TMTC2: variants seen among roughly 807,000 people sequenced by gnomAD.
The protein encoded by TMTC2 is transmembrane O-mannosyltransferase targeting cadherins 2, also known as protein O-mannosyl-transferase TMTC2.
In TMTC2, 43 loss-of-function variants were observed where a neutral mutation model predicts 82.4. That is an observed-to-expected ratio of 0.52 (90% CI 0.41 to 0.67). The LOEUF is 0.67. Among genes scored for constraint, TMTC2 ranks in the 30% least tolerant of loss-of-function variants. The pLI is 0.00. For synonymous variants in TMTC2, 408 were observed against 381.9 expected, an observed-to-expected ratio of 1.07 and a Z score of -0.80; for missense variants, 919 against 1,012.4, an observed-to-expected ratio of 0.91 and a Z score of 1.25.
At chr12:82,984,414 AATT>A (rs1879067048) in intron 7 of TMTC2, among the ~76,000 whole-genome samples, 2 of 152,172 alleles carry the variant, frequency 1.3e-5, no homozygotes, top group South Asian at 4.1e-4. Flanking sequence ...GACTCAAACC[AATT>A]CACTTCATCA....
At chr12:82,849,534 A>G (rs1870862037) in intron 1 of TMTC2, among the ~76,000 whole-genome samples, 1 of 152,154 alleles carries the variant, frequency 6.6e-6, no homozygotes, top group African/African-American at 2.4e-5. Flanking sequence ...AGAAGCTGTC[A>G]TGTACAACCT....
chr12:82,823,437 A>AG (rs1869230569), intron 1 of TMTC2, among the ~76,000 whole-genome samples: 3 of 152,182 alleles, frequency 2.0e-5, no homozygotes, highest in Non-Finnish European at 2.9e-5. Flanking sequence ...TTCACCTGCC[A>AG]GGTATTACTT....
chr12:83,128,181 G>A (rs914679671), intron 11 of TMTC2, among the ~76,000 whole-genome samples: 1 of 152,072 alleles, frequency 6.6e-6, no homozygotes, highest in Non-Finnish European at 1.5e-5. Flanking sequence ...CTGAGCAGTT[G>A]TCATTGAGTT....
At chr12:82,966,375 T>C (rs1252407258) in intron 6 of TMTC2, among the ~76,000 whole-genome samples, 1 of 152,068 alleles carries the variant, frequency 6.6e-6, no homozygotes, top group Non-Finnish European at 1.5e-5. Flanking sequence ...ATTGCCCCTC[T>C]CTCCCCTTCA....
At chr12:82,809,047 G>C (rs116698224) in intron 1 of TMTC2, among the ~76,000 whole-genome samples, 2,391 of 149,158 alleles carry the variant, frequency 0.016, 59 homozygotes, top group African/African-American at 0.054. Flanking sequence ...TTTTTATTCT[G>C]AGTGAATGAA....
intron 11 of TMTC2, among the ~76,000 whole-genome samples, chr12:83,083,366 C>G (rs1049857795): frequency 1.3e-5 from 2 of 152,138 alleles, no homozygotes; most frequent in South Asian, 2.1e-4. Flanking sequence ...GTGGCTTGCT[C>G]GGGCAGTAAC....
At chr12:82,700,586 A>G (rs1189747720) in intron 1 of TMTC2, among the ~76,000 whole-genome samples, 1 of 152,170 alleles carries the variant, frequency 6.6e-6, no homozygotes, top group East Asian at 1.9e-4. Context: ...AGATTTTACC[A>G]TTATACACAC....
At position 82,876,356 on chromosome 12, in the gene TMTC2, G is replaced by A. The variant is rs1872580165; in HGVS notation, c.654+18776G>A. 2.0e-5 allele frequency among the ~76,000 whole-genome samples: 3 copies of A among 152,142 alleles called. No individual in the cohort carries two copies. The South Asian group carries it at 6.2e-4, about 32-fold the overall frequency. ...TCTGTGTTTTGTTTTAAGTCTTGGT[G>A]AGGAGTGCATTGGTGGTTGTGACAT... is the stretch of plus-strand genomic sequence containing the variant. On this transcript the variant is annotated intron_variant, in intron 2 of 11. Transcript: ENST00000321196.
At chr12:82,714,904 G>A (rs78869284) in intron 1 of TMTC2, among the ~76,000 whole-genome samples, 15,605 of 152,102 alleles carry the variant, frequency 0.1, 930 homozygotes, top group East Asian at 0.24. Context: ...TTACATAGGA[G>A]CCAAGAGAAA....
intron 9 of TMTC2, among the ~76,000 whole-genome samples, chr12:83,033,868 GTA>G (rs10536038): frequency 0.11 from 15,643 of 147,688 alleles, 1,330 homozygotes; most frequent in East Asian, 0.29. Context: ...ATGTGTATGT[GTA>G]TATATATATA....
intron 9 of TMTC2, among the ~76,000 whole-genome samples, chr12:83,037,929 C>T (rs1421717415): frequency 6.6e-6 from 1 of 151,880 alleles, no homozygotes; most frequent in African/African-American, 2.4e-5. Flanking sequence ...AGATGAGAAA[C>T]TATACAACTA....
At chr12:82,724,496 C>T (rs191084790) in intron 1 of TMTC2, among the ~76,000 whole-genome samples, 1 of 152,228 alleles carries the variant, frequency 6.6e-6, no homozygotes, top group East Asian at 1.9e-4. Context: ...GTGGCAGTTC[C>T]CCTGCGCTCT....
chr12:82,862,261 A>G (rs992575501), intron 2 of TMTC2, among the ~76,000 whole-genome samples: 1 of 152,246 alleles, frequency 6.6e-6, no homozygotes, highest in Non-Finnish European at 1.5e-5. Context: ...TACATGGGTA[A>G]TAAAATCAGT....
At chr12:83,001,892 T>G (rs148384142) in intron 8 of TMTC2, among the ~76,000 whole-genome samples, 1 of 152,252 alleles carries the variant, frequency 6.6e-6, no homozygotes, top group African/African-American at 2.4e-5. Context: ...GTAGCTAGAT[T>G]AACAAAGAAA....
intron 1 of TMTC2, among the ~76,000 whole-genome samples, chr12:82,749,253 AC>A (rs1224109236): frequency 1.3e-5 from 2 of 152,174 alleles, no homozygotes; most frequent in Non-Finnish European, 2.9e-5. Context: ...GACACACGTT[AC>A]CCAGAATCAC....
At chr12:82,748,157 A>G (rs1875788527) in intron 1 of TMTC2, among the ~76,000 whole-genome samples, 1 of 152,068 alleles carries the variant, frequency 6.6e-6, no homozygotes, top group Non-Finnish European at 1.5e-5. Context: ...AAAAACACAA[A>G]AAAATTAGCC....
intron 2 of TMTC2, among the ~76,000 whole-genome samples, chr12:82,867,938 T>C (rs1236304040): frequency 6.6e-6 from 1 of 152,202 alleles, no homozygotes; most frequent in Non-Finnish European, 1.5e-5. Flanking sequence ...TATAAGTCTA[T>C]CGGGGAAAGG....
At chr12:82,865,879 A>G (rs1349344494) in intron 2 of TMTC2, among the ~76,000 whole-genome samples, 1 of 152,206 alleles carries the variant, frequency 6.6e-6, no homozygotes, top group Non-Finnish European at 1.5e-5. Flanking sequence ...ACTCAACTAC[A>G]TGGAAACAGA....
intron 8 of TMTC2, among the ~76,000 whole-genome samples, chr12:83,008,117 T>C (rs1442249201): frequency 6.6e-6 from 1 of 152,228 alleles, no homozygotes; most frequent in Non-Finnish European, 1.5e-5. Context: ...AGATTTGCCA[T>C]TGAAAGTAAT....
Sources: gnomAD v4.1 joint callset for allele counts (sites outside exome capture counted in the v4.1 genomes callset) on GRCh38, gnomAD v4.1.1 for gene constraint, MANE v1.5 for transcripts, NCBI Gene and HGNC (gene_info 2026-07-23, HGNC 2026-07-21) for gene names.